Variants in ZNF345 observed in about 807,000 individuals in gnomAD.
ZNF345 encodes zinc finger protein HZF10.
For synonymous variants in ZNF345, 166 were observed against 187.9 expected, an observed-to-expected ratio of 0.88 and a Z score of 0.95; for missense variants, 527 against 589.9, an observed-to-expected ratio of 0.89 and a Z score of 1.10.
chr19:36,854,263 TCTC>T (rs1414190084), intron 2 of ZNF345, among the ~76,000 whole-genome samples: 1 of 150,196 alleles, frequency 6.7e-6, no homozygotes, highest in Non-Finnish European at 1.5e-5. Context: ...TGAGCACCTA[TCTC>T]CTCCTGCCTG....
intron 3 of ZNF345, among the ~76,000 whole-genome samples, chr19:36,886,785 A>G (rs1318190322): frequency 6.6e-6 from 1 of 151,812 alleles, no homozygotes; most frequent in East Asian, 1.9e-4. Flanking sequence ...CAGGAGATCG[A>G]GACCATCCTG....
At chr19:36,881,008 G>C (rs886173642), downstream of ZNF345, among the ~76,000 whole-genome samples, 1 of 152,018 alleles carries the variant, frequency 6.6e-6, no homozygotes, top group African/African-American at 2.4e-5. Flanking sequence ...TAAGGATAAT[G>C]GGAGGGAAAA....
intron 2 of ZNF345, among the ~76,000 whole-genome samples, chr19:36,868,527 A>G (rs1364187378): frequency 6.6e-6 from 1 of 152,092 alleles, no homozygotes; most frequent in Non-Finnish European, 1.5e-5. Context: ...AGTAAGTTTT[A>G]CAATTGGAAG....
intron 2 of ZNF345, among the ~76,000 whole-genome samples, chr19:36,858,872 C>A (rs1347511117): frequency 6.6e-6 from 1 of 152,134 alleles, no homozygotes; most frequent in African/African-American, 2.4e-5. Flanking sequence ...TTTTATGGAG[C>A]TGAGCACAGT....
rs141832433 is a variant in ZNF345, at chr19:36,877,668, C to A, written c.838C>A (p.His280Asn). The change falls in exon 3 of 3, where the codon CAT (histidine) becomes AAT (asparagine). Residue 280 changes from histidine to asparagine, a missense_variant. Physicochemically the swap from His to Asn is moderately conservative, Grantham distance 68 (BLOSUM62 1). Transcript: ENST00000420450. ...AGCCCTTACTCGACATCAAAGAATT[C>A]ATACTGGTGAGAAACCTTATGTATG... Reference protein sequence around the residue: ...GSALTRHQRIHTGEKPYVCKE... With the variant: ...GSALTRHQRINTGEKPYVCKE... The A allele has an allele frequency of 8.7e-6, 14 of 1,614,010 alleles. No individual in the cohort carries two copies. In the African/African-American group the frequency reaches 1.5e-4, roughly 17 times the overall value.
At chr19:36,891,518 G>T in intron 3 of ZNF345, 1 of 1,573,506 alleles carries the variant, frequency 6.4e-7, no homozygotes, top group Non-Finnish European at 8.6e-7. Flanking sequence ...CCCTCATGGC[G>T]AATGAGGTCA....
intron 2 of ZNF345, among the ~76,000 whole-genome samples, chr19:36,853,810 G>T (rs1392828566): frequency 6.6e-6 from 1 of 152,158 alleles, no homozygotes; most frequent in Non-Finnish European, 1.5e-5. Context: ...CTTACTCACT[G>T]TAACTTTGTA....
At chr19:36,853,254 T>A (rs2146116296) in intron 2 of ZNF345, among the ~76,000 whole-genome samples, 1 of 148,914 alleles carries the variant, frequency 6.7e-6, no homozygotes, top group Admixed American at 6.6e-5. Context: ...TCTTTTTTTT[T>A]TTTTTTTTTT....
At chr19:36,864,976 A>G (rs2072628754) in intron 2 of ZNF345, among the ~76,000 whole-genome samples, 1 of 152,180 alleles carries the variant, frequency 6.6e-6, no homozygotes, top group Admixed American at 6.6e-5. Flanking sequence ...TCTTACCAGA[A>G]GCATTTGCTA....
At chr19:36,882,063 A>T (rs544630180), downstream of ZNF345, among the ~76,000 whole-genome samples, 112 of 128,176 alleles carry the variant, frequency 8.7e-4, no homozygotes, top group Admixed American at 4.2e-3. Context: ...TTTTTTTTTA[A>T]AAAAAACCTT....
chr19:36,853,227 A>T (rs1302772400), intron 2 of ZNF345, among the ~76,000 whole-genome samples: 1 of 148,376 alleles, frequency 6.7e-6, no homozygotes, highest in Non-Finnish European at 1.5e-5. Context: ...TAAAGCCAAA[A>T]GCTTGCTTTC....
chr19:36,888,781 C>T (rs1195958839), intron 3 of ZNF345: 1 of 152,012 alleles, frequency 6.6e-6, no homozygotes, highest in Non-Finnish European at 1.5e-5. Context: ...CTGCAACCTC[C>T]ACCTCCCACA....
At chr19:36,886,480 A>T (rs2072997296) in intron 3 of ZNF345, among the ~76,000 whole-genome samples, 1 of 152,208 alleles carries the variant, frequency 6.6e-6, no homozygotes, top group Non-Finnish European at 1.5e-5. Context: ...CATGAGAAAA[A>T]CATCAGTCAG....
intron 2 of ZNF345, among the ~76,000 whole-genome samples, chr19:36,869,325 C>T (rs1394826845): frequency 6.6e-6 from 1 of 152,178 alleles, no homozygotes; most frequent in East Asian, 1.9e-4. Context: ...AGAGCAAGGT[C>T]TGAAAGGGAC....
intron 2 of ZNF345, among the ~76,000 whole-genome samples, chr19:36,866,872 A>G (rs1044882596): frequency 1.3e-5 from 2 of 152,176 alleles, no homozygotes; most frequent in Non-Finnish European, 2.9e-5. Context: ...GTTTAGATAT[A>G]TCTTGTTTAT....
chr19:36,882,907 T>C (rs544615850), downstream of ZNF345, among the ~76,000 whole-genome samples: 1 of 152,302 alleles, frequency 6.6e-6, no homozygotes, highest in East Asian at 1.9e-4. Context: ...CTCTGATTAT[T>C]TTGTTTAATT....
At chr19:36,892,197 G>A (rs776456815) in intron 3 of ZNF345, 67 of 1,613,942 alleles carry the variant, frequency 4.2e-5, no homozygotes, top group African/African-American at 6.7e-5. Context: ...GTCGAGTAAC[G>A]AGTGAGCCAC....
chr19:36,863,553 A>G (rs184218934), intron 2 of ZNF345, among the ~76,000 whole-genome samples: 4 of 152,318 alleles, frequency 2.6e-5, no homozygotes, highest in African/African-American at 9.6e-5. Flanking sequence ...CTTCTTTCAC[A>G]TGAAAAATGT....
At chr19:36,887,719 T>TA (rs373575397) in intron 3 of ZNF345, among the ~76,000 whole-genome samples, 496 of 152,312 alleles carry the variant, frequency 3.3e-3, no homozygotes, top group African/African-American at 0.011. Flanking sequence ...CATGCTAGGC[T>TA]AAAAGTCAAG....
Sources: gnomAD v4.1 joint callset for allele counts (sites outside exome capture counted in the v4.1 genomes callset) on GRCh38, gnomAD v4.1.1 for gene constraint, MANE v1.5 for transcripts, NCBI Gene and HGNC (gene_info 2026-07-23, HGNC 2026-07-21) for gene names.